The following ECHDC1 variants were observed in gnomAD, a reference collection of about 807,000 sequenced individuals.
The protein encoded by ECHDC1 is ethylmalonyl-CoA decarboxylase.
Under a neutral mutation model 29.7 loss-of-function variants are expected in ECHDC1, and 29 were observed. The observed-to-expected ratio is 0.98, with a 90% CI of 0.73 to 1.33. The LOEUF is 1.33. Among genes scored for constraint, ECHDC1 ranks in the 40% most tolerant of loss-of-function variants. The pLI, the probability that ECHDC1 is intolerant of heterozygous loss-of-function variation, is 0.00. For missense variants in ECHDC1, 328 were observed against 350.0 expected (o/e 0.94, Z 0.50); for synonymous variants, 126 against 123.1 (o/e 1.02, Z -0.15).
At chr6:127,290,354 CT>C (rs1370000601) in intron 5 of ECHDC1, 77 bp from the exon 6 acceptor site, 4 of 1,420,520 alleles carry the variant, frequency 2.8e-6, no homozygotes, top group African/African-American at 2.9e-5. Flanking sequence ...CATTCATGAT[CT>C]GATGTGAATT....
At chr6:127,316,668 G>C (rs1782409029) in intron 3 of ECHDC1, among the ~76,000 whole-genome samples, 166 bp from the exon 4 acceptor site, 1 of 151,998 alleles carries the variant, frequency 6.6e-6, no homozygotes, top group Non-Finnish European at 1.5e-5. Context: ...AAATAATGCT[G>C]TATTTGACTG....
chr6:127,329,246 G>C (rs932899570), intron 2 of ECHDC1, among the ~76,000 whole-genome samples: 22 of 151,982 alleles, frequency 1.4e-4, no homozygotes, highest in African/African-American at 5.3e-4. Flanking sequence ...AGACCTTAAA[G>C]AGTATCTAAC....
At chr6:127,293,729 G>A (rs1780377179) in intron 5 of ECHDC1, among the ~76,000 whole-genome samples, 2 of 152,124 alleles carry the variant, frequency 1.3e-5, no homozygotes, top group Admixed American at 1.3e-4. Flanking sequence ...TTTGTAGTCT[G>A]ATACATAATA....
chr6:127,295,710 A>G (rs1048067855), intron 5 of ECHDC1, among the ~76,000 whole-genome samples: 1 of 152,264 alleles, frequency 6.6e-6, no homozygotes, highest in African/African-American at 2.4e-5. Flanking sequence ...CGTGGCTATT[A>G]CCAAAAGCCT....
At chr6:127,314,415 C>A (rs1011620719) in intron 5 of ECHDC1, among the ~76,000 whole-genome samples, 3 of 152,056 alleles carry the variant, frequency 2.0e-5, no homozygotes, top group Non-Finnish European at 2.9e-5. Context: ...CAGAAAATCT[C>A]TTTTTATTGG....
At chr6:127,300,713 G>A (rs1780991091) in intron 5 of ECHDC1, among the ~76,000 whole-genome samples, 1 of 152,110 alleles carries the variant, frequency 6.6e-6, no homozygotes, top group Admixed American at 6.5e-5. Flanking sequence ...TTGGAACCTG[G>A]GTGAGCCTGG....
chr6:127,325,806 C>A (rs1314842939), intron 3 of ECHDC1, among the ~76,000 whole-genome samples: 1 of 151,934 alleles, frequency 6.6e-6, no homozygotes, highest in Non-Finnish European at 1.5e-5. Context: ...ACTCAAGCAA[C>A]CTTCCCGCCT....
At chr6:127,309,164 A>G (rs1781677360) in intron 5 of ECHDC1, among the ~76,000 whole-genome samples, 1 of 152,178 alleles carries the variant, frequency 6.6e-6, no homozygotes, top group South Asian at 2.1e-4. Flanking sequence ...CTCAGCACAA[A>G]GAACAGCCCT....
At position 127,302,631 on chromosome 6, in the gene ECHDC1, CTCAGG is replaced by C. The variant is rs1781139610; in HGVS notation, c.497+12180_497+12184del. On this transcript the variant is annotated intron_variant, in intron 5 of 5. Transcript: ENST00000454859. ...GCCAGGCTGGTCTCGAACTCCTGAC[CTCAGG>C]TGATCCACCCACCTCGATCTCCCAA... Among the ~76,000 whole-genome samples the C allele has an allele frequency of 2.6e-5, 4 of 152,200 alleles. No individual in the cohort carries two copies. The South Asian group carries it at 8.3e-4, about 32-fold the overall frequency.
At chr6:127,326,453 C>G (rs778476228) in intron 3 of ECHDC1, 29 of 422,796 alleles carry the variant, frequency 6.9e-5, no homozygotes, top group South Asian at 5.2e-4. Context: ...AGTGTGAGAA[C>G]AGACTATCAC....
At chr6:127,322,671 T>C (rs1753273755) in intron 3 of ECHDC1, among the ~76,000 whole-genome samples, 1 of 151,580 alleles carries the variant, frequency 6.6e-6, no homozygotes, top group South Asian at 2.1e-4. Context: ...CAATGATGTA[T>C]ATATAAAACA....
At chr6:127,294,436 C>T (rs1287182717) in intron 5 of ECHDC1, 1 of 152,186 alleles carries the variant, frequency 6.6e-6, no homozygotes, top group Non-Finnish European at 1.5e-5. Flanking sequence ...CTTTTGTTTT[C>T]TACCATCTAT....
At chr6:127,324,393 T>C (rs778428151) in intron 3 of ECHDC1, among the ~76,000 whole-genome samples, 9 of 152,174 alleles carry the variant, frequency 5.9e-5, no homozygotes, top group Non-Finnish European at 1.2e-4. Flanking sequence ...TAAGAGGAAA[T>C]TGAGCAACTT....
At chr6:127,341,380 T>C (rs1033494076) in intron 1 of ECHDC1, among the ~76,000 whole-genome samples, 15 of 152,226 alleles carry the variant, frequency 9.9e-5, no homozygotes, top group African/African-American at 3.6e-4. Flanking sequence ...GTGTTAGTCA[T>C]TATTAACCTA....
At chr6:127,315,953 T>G in intron 4 of ECHDC1, 1 of 470,730 alleles carries the variant, frequency 2.1e-6, no homozygotes, top group Non-Finnish European at 4.4e-6. Context: ...CCAAGAAGAA[T>G]TTTTCCTCTT....
intron 5 of ECHDC1, among the ~76,000 whole-genome samples, chr6:127,297,206 T>G (rs1163196581): frequency 6.6e-6 from 1 of 152,220 alleles, no homozygotes; most frequent in Admixed American, 6.5e-5. Flanking sequence ...TAAATATTCA[T>G]TAACTCATTA....
intron 4 of ECHDC1, chr6:127,315,346 C>T (rs1782275801): frequency 6.0e-6 from 2 of 335,772 alleles, no homozygotes; most frequent in Non-Finnish European, 5.8e-6. Flanking sequence ...AAATGTGTTA[C>T]AGAAGATAGG....
intron 5 of ECHDC1, among the ~76,000 whole-genome samples, chr6:127,298,081 A>G (rs1780761362): frequency 6.6e-6 from 1 of 152,212 alleles, no homozygotes; most frequent in Non-Finnish European, 1.5e-5. Flanking sequence ...ACAATACTTT[A>G]TTTACCCTTA....
intron 3 of ECHDC1, among the ~76,000 whole-genome samples, chr6:127,318,313 T>C (rs1782561937): frequency 1.3e-5 from 2 of 152,186 alleles, no homozygotes; most frequent in South Asian, 4.1e-4. Flanking sequence ...CCAGATCATA[T>C]AATATTTTTC....
Sources: allele counts gnomAD v4.1 joint callset (sites outside exome capture counted in the v4.1 genomes callset), GRCh38; gene constraint gnomAD v4.1.1; transcripts MANE v1.5; gene names NCBI Gene and HGNC (gene_info 2026-07-23, HGNC 2026-07-21).